MALRD1: variants seen among roughly 807,000 people sequenced by gnomAD.
The protein encoded by MALRD1 is MAM and LDL receptor class A domain containing 1.
MALRD1 carries 247 observed loss-of-function variants against 242.1 expected under a neutral mutation model. The observed-to-expected ratio is 1.02, with a 90% CI of 0.92 to 1.13. MALRD1 has a LOEUF of 1.13. MALRD1 is among the 50% of genes most tolerant of loss of function. The probability of loss-of-function intolerance (pLI) is 0.00; values close to 1 mark genes in which losing one functional copy is unlikely to be tolerated. For synonymous variants in MALRD1, 995 were observed against 866.6 expected, an observed-to-expected ratio of 1.15 and a Z score of -2.60; for missense variants, 2,989 against 2,533.1, an observed-to-expected ratio of 1.18 and a Z score of -3.86.
At chr10:19,540,744 C>G (rs1406310464) in intron 32 of MALRD1, among the ~76,000 whole-genome samples, 1 of 152,104 alleles carries the variant, frequency 6.6e-6, no homozygotes, top group African/African-American at 2.4e-5. Flanking sequence ...GAAAAAAAAC[C>G]TTGACGTTTC....
At chr10:19,523,046 T>G (rs775649085) in intron 31 of MALRD1, among the ~76,000 whole-genome samples, 16 of 152,172 alleles carry the variant, frequency 1.1e-4, no homozygotes, top group Non-Finnish European at 2.1e-4. Flanking sequence ...TAGCACTAAT[T>G]TGCAACTATG....
chr10:19,555,411 C>A (rs1248436449), intron 32 of MALRD1, among the ~76,000 whole-genome samples: 1 of 152,022 alleles, frequency 6.6e-6, no homozygotes, highest in Non-Finnish European at 1.5e-5. Context: ...TCAGAGTGGG[C>A]CTCATTAAGA....
At chr10:19,094,462 T>C (rs1339583379) in intron 4 of MALRD1, among the ~76,000 whole-genome samples, 3 of 149,166 alleles carry the variant, frequency 2.0e-5, no homozygotes, top group Admixed American at 6.7e-5. Context: ...GCGCACGGTG[T>C]GCACACACAC....
chr10:19,548,015 T>G, intron 32 of MALRD1, among the ~76,000 whole-genome samples: 1 of 140,614 alleles, frequency 7.1e-6, no homozygotes, highest in Admixed American at 7.2e-5. Flanking sequence ...TTTTTTTTTT[T>G]TTGAGACAAA....
At chr10:19,393,679 A>G (rs1262856200) in intron 28 of MALRD1, among the ~76,000 whole-genome samples, 2 of 149,048 alleles carry the variant, frequency 1.3e-5, no homozygotes, top group East Asian at 2.0e-4. Context: ...GATGGTCTCC[A>G]TCGCCTGACC....
intron 28 of MALRD1, among the ~76,000 whole-genome samples, chr10:19,440,958 C>G (rs59186392): frequency 6.6e-6 from 1 of 151,602 alleles, no homozygotes; most frequent in African/African-American, 2.4e-5. Context: ...ACAGTCCCAC[C>G]AACAGTGTAA....
chr10:19,536,948 A>G (rs989472944), intron 32 of MALRD1, among the ~76,000 whole-genome samples: 9 of 152,126 alleles, frequency 5.9e-5, no homozygotes, highest in Admixed American at 3.9e-4. Flanking sequence ...GAAAGATGGT[A>G]TTTGGATTTA....
At chr10:19,284,666 G>C (rs1207980521) in intron 21 of MALRD1, among the ~76,000 whole-genome samples, 1 of 136,668 alleles carries the variant, frequency 7.3e-6, no homozygotes, top group African/African-American at 2.8e-5. Flanking sequence ...GGACATTTGG[G>C]TTGGTTCCAA....
At chr10:19,195,960 C>A (rs1216404738) in intron 14 of MALRD1, among the ~76,000 whole-genome samples, 1 of 152,172 alleles carries the variant, frequency 6.6e-6, no homozygotes, top group South Asian at 2.1e-4. Flanking sequence ...CTAGCCTCAA[C>A]TGATGATCTG....
chr10:19,699,486 C>G (rs1245230758), intron 38 of MALRD1, among the ~76,000 whole-genome samples: 1 of 151,862 alleles, frequency 6.6e-6, no homozygotes, highest in African/African-American at 2.4e-5. Context: ...GAGGTGATGC[C>G]CTTCCTGGAG....
rs1247910719 is a variant in MALRD1 at position 19,368,887 on chromosome 10, GTGTT to G, written c.4441+16594_4441+16597del. On this transcript the variant is annotated intron_variant, in intron 26 of 39. Coordinates refer to ENST00000454679, the MANE Select transcript of MALRD1 (RefSeq NM_001142308.3). ...GATTTGTGTATGTGTGTGTGTGTGT[GTGTT>G]TGTGTGTGTGTGTGTGTGTGTGTGT... Among the ~76,000 whole-genome samples the G allele has an allele frequency of 5.3e-3, 495 of 93,168 alleles. 4 individuals are homozygous for G. Among genetic ancestry groups the G allele is most frequent in the African/African-American group, 0.023 (476 of 20,876 alleles). 61.1% of individuals were successfully genotyped at this position (93,168 alleles called of 152,430 possible).
intron 23 of MALRD1, among the ~76,000 whole-genome samples, chr10:19,329,175 A>G (rs899597524): frequency 6.6e-6 from 1 of 152,108 alleles, no homozygotes; most frequent in Non-Finnish European, 1.5e-5. Context: ...TTGCTGTTTT[A>G]TGTGTGATTT....
intron 18 of MALRD1, among the ~76,000 whole-genome samples, chr10:19,227,491 T>A (rs1837848571): frequency 2.0e-5 from 3 of 152,052 alleles, no homozygotes; most frequent in Admixed American, 2.0e-4. Flanking sequence ...ATTTTATAGA[T>A]AATGTAAATA....
chr10:19,075,935 A>ATTCTTG (rs1835303038), intron 2 of MALRD1, among the ~76,000 whole-genome samples: 1 of 152,040 alleles, frequency 6.6e-6, no homozygotes, highest in South Asian at 2.1e-4. Flanking sequence ...CTAATAACGA[A>ATTCTTG]CATTTGCAGT....
intron 28 of MALRD1, among the ~76,000 whole-genome samples, chr10:19,429,296 G>A (rs758174534): frequency 6.0e-5 from 9 of 150,960 alleles, no homozygotes; most frequent in Non-Finnish European, 8.8e-5. Flanking sequence ...TAGGCCGGGC[G>A]TGGTGGCTCA....
chr10:19,232,418 T>A (rs1048998860), intron 18 of MALRD1, among the ~76,000 whole-genome samples: 1 of 151,700 alleles, frequency 6.6e-6, no homozygotes, highest in Admixed American at 6.6e-5. Context: ...CTTCAAGTCA[T>A]CCGCCCGCCT....
intron 19 of MALRD1, among the ~76,000 whole-genome samples, chr10:19,264,574 C>G (rs549263608): frequency 6.6e-6 from 1 of 152,064 alleles, no homozygotes; most frequent in South Asian, 2.1e-4. Context: ...CAGCCTCACC[C>G]TCCCAAGTAG....
At chr10:19,364,680 C>A (rs896872244) in intron 26 of MALRD1, among the ~76,000 whole-genome samples, 1 of 152,062 alleles carries the variant, frequency 6.6e-6, no homozygotes, top group African/African-American at 2.4e-5. Flanking sequence ...TTACATTTCT[C>A]TTGGAAGAAA....
At chr10:19,241,761 TTACTTGTC>T (rs1454936627) in intron 18 of MALRD1, among the ~76,000 whole-genome samples, 1 of 152,152 alleles carries the variant, frequency 6.6e-6, no homozygotes, top group Non-Finnish European at 1.5e-5. Flanking sequence ...ATTTTCATTC[TTACTTGTC>T]TCAGTGACTT....
Sources: gnomAD v4.1 joint callset for allele counts (sites outside exome capture counted in the v4.1 genomes callset) on GRCh38, gnomAD v4.1.1 for gene constraint, MANE v1.5 for transcripts, NCBI Gene and HGNC (gene_info 2026-07-23, HGNC 2026-07-21) for gene names.